Variants in RPTOR observed in about 807,000 individuals in gnomAD.
The protein encoded by RPTOR is regulatory associated protein of MTOR complex 1, also known as regulatory-associated protein of mTOR.
In RPTOR, 21 loss-of-function variants were observed where a neutral mutation model predicts 169.9. The ratio of observed to expected loss-of-function variants is 0.12; its 90% confidence interval spans 0.09 to 0.18. The LOEUF is 0.18. Among genes scored for constraint, RPTOR ranks in the 10% least tolerant of loss-of-function variants. RPTOR has a pLI of 1.00. For synonymous variants in RPTOR, 732 were observed against 753.2 expected (o/e 0.97, Z 0.46); for missense variants, 1,133 against 1,855.9 (o/e 0.61, Z 7.16).
At position 80,670,851 on chromosome 17, in the gene RPTOR, G is replaced by A. The variant is rs575974269; in HGVS notation, c.348+27041G>A. Among the ~76,000 whole-genome samples, 16 of 152,070 alleles carry A rather than the reference G, an allele frequency of 1.1e-4. No individual in the cohort carries two copies. In the East Asian group the frequency reaches 3.1e-3, roughly 29 times the overall value. ...TCTGAAGCATAAACCCTCCCCGGTAGCCACAAGGGTCTCCTCGGTCAGGGG... is the reference window on the plus strand; with the variant it reads ...TCTGAAGCATAAACCCTCCCCGGTAACCACAAGGGTCTCCTCGGTCAGGGG... On this transcript the variant is annotated intron_variant, in intron 3 of 33. Coordinates refer to ENST00000306801, the MANE Select transcript of RPTOR (RefSeq NM_020761.3).
At chr17:80,870,452 G>A (rs1013084286) in intron 13 of RPTOR, among the ~76,000 whole-genome samples, 4 of 152,224 alleles carry the variant, frequency 2.6e-5, no homozygotes, top group African/African-American at 9.6e-5. Flanking sequence ...CACAGTTCGT[G>A]TATGCTGGCG....
intron 5 of RPTOR, among the ~76,000 whole-genome samples, chr17:80,747,071 G>T (rs1038173809): frequency 6.6e-6 from 1 of 152,146 alleles, no homozygotes; most frequent in Non-Finnish European, 1.5e-5. Flanking sequence ...ACAAAAATTC[G>T]CTGGGTGTGG....
intron 3 of RPTOR, among the ~76,000 whole-genome samples, chr17:80,686,249 C>T (rs1032501283): frequency 6.6e-5 from 10 of 150,742 alleles, no homozygotes; most frequent in Non-Finnish European, 1.2e-4. Flanking sequence ...TGCGGTGGCA[C>T]GATCTCGGCT....
chr17:80,887,173 G>A (rs927702317), intron 17 of RPTOR, among the ~76,000 whole-genome samples: 3 of 152,106 alleles, frequency 2.0e-5, no homozygotes, highest in Non-Finnish European at 2.9e-5. Flanking sequence ...CAAGCGGGCT[G>A]CACTGGCGCG....
chr17:80,621,799 A>G (rs1162115847), intron 1 of RPTOR, among the ~76,000 whole-genome samples: 1 of 152,240 alleles, frequency 6.6e-6, no homozygotes, highest in Non-Finnish European at 1.5e-5. Context: ...GCAAGAAAGA[A>G]CAGGGTTGTG....
chr17:80,595,100 G>A (rs923099976), intron 1 of RPTOR, among the ~76,000 whole-genome samples: 6 of 152,024 alleles, frequency 3.9e-5, no homozygotes, highest in African/African-American at 1.4e-4. Context: ...GAGAGAGACG[G>A]GGAATGGGTG....
At chr17:80,743,893 T>C (rs62069363) in intron 5 of RPTOR, among the ~76,000 whole-genome samples, 385 of 32,312 alleles carry the variant, frequency 0.012, 23 homozygotes, top group African/African-American at 0.043. Flanking sequence ...ACTAGCACTG[T>C]CCTGGTTACG....
intron 21 of RPTOR, among the ~76,000 whole-genome samples, chr17:80,922,327 A>G (rs2068755563): frequency 6.6e-6 from 1 of 152,102 alleles, no homozygotes; most frequent in African/African-American, 2.4e-5. Context: ...GACAGTGTGG[A>G]GGCCCAGCCT....
chr17:80,808,359 T>C (rs1182768359), intron 7 of RPTOR, among the ~76,000 whole-genome samples: 1 of 152,138 alleles, frequency 6.6e-6, no homozygotes, highest in Non-Finnish European at 1.5e-5. Flanking sequence ...CCAGTGGTTG[T>C]GGCTGCAGTG....
At chr17:80,853,705 A>G (rs537803946) in intron 11 of RPTOR, among the ~76,000 whole-genome samples, 33 of 152,336 alleles carry the variant, frequency 2.2e-4, no homozygotes, top group South Asian at 1.7e-3. Flanking sequence ...TTGGCCGGGC[A>G]CGGTGGCTCA....
intron 3 of RPTOR, among the ~76,000 whole-genome samples, chr17:80,653,680 C>A (rs891270357): frequency 5.3e-5 from 8 of 152,228 alleles, no homozygotes; most frequent in Admixed American, 4.6e-4. Flanking sequence ...CGGTCTCCGC[C>A]GTGCTGCGGC....
At chr17:80,773,339 C>T (rs2066862962) in intron 6 of RPTOR, among the ~76,000 whole-genome samples, 1 of 152,250 alleles carries the variant, frequency 6.6e-6, no homozygotes, top group African/African-American at 2.4e-5. Context: ...CTACATCACA[C>T]TCTGGTAAAT....
At chr17:80,728,694 A>G (rs1346407612) in intron 4 of RPTOR, among the ~76,000 whole-genome samples, 1 of 151,452 alleles carries the variant, frequency 6.6e-6, no homozygotes, top group South Asian at 2.1e-4. Context: ...TGGCAGTGTG[A>G]GTCCCTATTC....
intron 8 of RPTOR, among the ~76,000 whole-genome samples, chr17:80,822,868 T>C (rs2067396776): frequency 6.6e-6 from 1 of 152,152 alleles, no homozygotes; most frequent in Non-Finnish European, 1.5e-5. Flanking sequence ...CATGTATGTA[T>C]GCATGTGTGC....
intron 13 of RPTOR, among the ~76,000 whole-genome samples, chr17:80,862,117 C>G (rs2067923451): frequency 6.6e-6 from 1 of 152,160 alleles, no homozygotes; most frequent in South Asian, 2.1e-4. Context: ...AAGGGGTCAT[C>G]TGCTCAGTAC....
At chr17:80,700,616 GTGGTGGTGGTGGCGGCGATGA>G (rs2066082786) in intron 3 of RPTOR, among the ~76,000 whole-genome samples, 5 of 149,140 alleles carry the variant, frequency 3.4e-5, no homozygotes, top group African/African-American at 9.9e-5. Flanking sequence ...GATGGTGATG[GTGGTGGTGGTGGCGGCGATGA>G]TGGTGGTGGT....
At chr17:80,585,343 T>A (rs925220116) in intron 1 of RPTOR, among the ~76,000 whole-genome samples, 5 of 152,022 alleles carry the variant, frequency 3.3e-5, no homozygotes, top group African/African-American at 2.4e-5. Flanking sequence ...TAGCTGAGAT[T>A]ATAGGCACGC....
chr17:80,942,000 CTG>C (rs1248913136), intron 25 of RPTOR: 17 of 152,264 alleles, frequency 1.1e-4, no homozygotes, highest in African/African-American at 3.9e-4. Flanking sequence ...TTGTAGCCCT[CTG>C]TGCATCTGAA....
rs1239959921 is a variant in RPTOR at position 80,708,738 on chromosome 17, G to T, written c.507+739G>T. Among the ~76,000 whole-genome samples the T allele has an allele frequency of 6.6e-6, 1 of 152,214 alleles. No homozygotes were observed. The highest frequency in any genetic ancestry group is 1.5e-5 in the Non-Finnish European group (1 of 68,044). ...GGTGGGAACCTTGGTCTGTCTCAGA[G>T]CAGCCAGCTATGGGTCTCACTGCGC... is the stretch of plus-strand genomic sequence containing the variant. On this transcript the variant is annotated intron_variant, in intron 4 of 33. Coordinates refer to ENST00000306801, the MANE Select transcript of RPTOR (RefSeq NM_020761.3). This position sits in a 1 kb window ranked among gnomAD's most constrained non-coding sequence, Gnocchi z 4.2.
Sources: allele counts gnomAD v4.1 joint callset (sites outside exome capture counted in the v4.1 genomes callset), GRCh38; gene constraint gnomAD v4.1.1; non-coding constraint Gnocchi (gnomAD v3.1); transcripts MANE v1.5; gene names NCBI Gene and HGNC (gene_info 2026-07-23, HGNC 2026-07-21).